Variants in PAK5 observed in about 807,000 individuals in gnomAD.
The protein encoded by PAK5 is p21 (RAC1) activated kinase 5, also known as serine/threonine-protein kinase PAK 5.
In PAK5, 16 loss-of-function variants were observed where a neutral mutation model predicts 65.9. The observed-to-expected ratio is 0.24, with a 90% CI of 0.16 to 0.37. The LOEUF is 0.37. Ranked by LOEUF, PAK5 falls within the 10% of genes least tolerant of loss-of-function variation. The probability of loss-of-function intolerance (pLI) is 1.00; values close to 1 mark genes in which losing one functional copy is unlikely to be tolerated. For missense variants in PAK5, 785 were observed against 903.9 expected (o/e 0.87, Z 1.69); for synonymous variants, 371 against 354.9 (o/e 1.05, Z -0.51).
chr20:9,642,063 T>C (rs1406919204), intron 3 of PAK5, among the ~76,000 whole-genome samples: 1 of 152,158 alleles, frequency 6.6e-6, no homozygotes, highest in Non-Finnish European at 1.5e-5. Context: ...GCTGAAGGGC[T>C]CCTCAAATGC....
chr20:9,622,881 G>A (rs2046790741), intron 3 of PAK5, among the ~76,000 whole-genome samples: 1 of 152,194 alleles, frequency 6.6e-6, no homozygotes, highest in African/African-American at 2.4e-5. Flanking sequence ...CACACCTGGT[G>A]TGTGCTCAGT....
intron 2 of PAK5, among the ~76,000 whole-genome samples, chr20:9,676,772 A>G (rs2123388476): frequency 6.6e-6 from 1 of 152,320 alleles, no homozygotes; most frequent in South Asian, 2.1e-4. Flanking sequence ...GATTGGTGAT[A>G]ATTCAATACC....
chr20:9,826,568 A>C (rs1352321585), intron 1 of PAK5, among the ~76,000 whole-genome samples: 1 of 152,198 alleles, frequency 6.6e-6, no homozygotes, highest in Non-Finnish European at 1.5e-5. Context: ...GGCATTTATC[A>C]TCCTAGAATC....
intron 1 of PAK5, among the ~76,000 whole-genome samples, chr20:9,820,219 C>T (rs901482710): frequency 2.6e-5 from 4 of 152,162 alleles, no homozygotes; most frequent in African/African-American, 7.2e-5. Context: ...TTCATTATTT[C>T]CTCCTCATAA....
At chr20:9,639,787 T>G (rs1448287054) in intron 3 of PAK5, among the ~76,000 whole-genome samples, 2 of 152,242 alleles carry the variant, frequency 1.3e-5, no homozygotes, top group Non-Finnish European at 2.9e-5. Context: ...CAACTCTCAG[T>G]GGGACTGATT....
intron 1 of PAK5, among the ~76,000 whole-genome samples, chr20:9,794,700 G>A (rs1176967244): frequency 1.3e-5 from 2 of 152,020 alleles, no homozygotes; most frequent in East Asian, 3.9e-4. Flanking sequence ...AAAAAACATA[G>A]GCACATTGAG....
chr20:9,550,856 TAA>T (rs2045416665), intron 7 of PAK5, among the ~76,000 whole-genome samples: 1 of 151,976 alleles, frequency 6.6e-6, no homozygotes, highest in African/African-American at 2.4e-5. Flanking sequence ...CCTATAAATT[TAA>T]GAAACCTGAA....
chr20:9,827,671 A>C (rs559633774), intron 1 of PAK5, among the ~76,000 whole-genome samples: 2 of 152,140 alleles, frequency 1.3e-5, no homozygotes, highest in Non-Finnish European at 2.9e-5. Flanking sequence ...TTTTCAATGA[A>C]GGTGTGATAC....
chr20:9,562,546 G>A (rs1231249545), intron 6 of PAK5, among the ~76,000 whole-genome samples: 1 of 152,188 alleles, frequency 6.6e-6, no homozygotes, highest in Non-Finnish European at 1.5e-5. Flanking sequence ...GTCTTAGCAT[G>A]CAGCAATGGT....
At chr20:9,819,778 C>G (rs11696901) in intron 1 of PAK5, among the ~76,000 whole-genome samples, 171 of 152,192 alleles carry the variant, frequency 1.1e-3, no homozygotes, top group Non-Finnish European at 1.9e-3. Flanking sequence ...GACAAGGAAC[C>G]GGTACTGGCA....
At chr20:9,775,171 TG>T (rs1244712076) in intron 1 of PAK5, among the ~76,000 whole-genome samples, 2 of 152,166 alleles carry the variant, frequency 1.3e-5, no homozygotes, top group Non-Finnish European at 2.9e-5. Context: ...CTATCTTGGT[TG>T]GGGTGTGGGT....
chr20:9,717,309 T>A (rs983510430), intron 1 of PAK5, among the ~76,000 whole-genome samples: 2 of 152,168 alleles, frequency 1.3e-5, no homozygotes, highest in African/African-American at 4.8e-5. Context: ...GGCAATTTAT[T>A]ATTCCCTGAG....
intron 6 of PAK5, among the ~76,000 whole-genome samples, 189 bp from the exon 7 acceptor site, chr20:9,557,923 G>A (rs2045533279): frequency 6.6e-6 from 1 of 152,180 alleles, no homozygotes; most frequent in South Asian, 2.1e-4. Flanking sequence ...CACTAAGAAT[G>A]ACAGGGACCA....
intron 1 of PAK5, among the ~76,000 whole-genome samples, chr20:9,807,680 T>TG (rs747340445): frequency 2.5e-4 from 38 of 151,672 alleles, no homozygotes; most frequent in Non-Finnish European, 4.9e-4. Flanking sequence ...CAGGTTCCCT[T>TG]GCAGTTAATT....
chr20:9,602,393 C>T (rs1038715586), intron 3 of PAK5, among the ~76,000 whole-genome samples: 1 of 152,148 alleles, frequency 6.6e-6, no homozygotes, highest in African/African-American at 2.4e-5. Context: ...AATGTTGCTA[C>T]CATACAACCT....
intron 3 of PAK5, among the ~76,000 whole-genome samples, chr20:9,612,634 C>T (rs571272330): frequency 3.9e-4 from 59 of 152,028 alleles, no homozygotes; most frequent in Non-Finnish European, 6.9e-4. Context: ...GAGAACTCCA[C>T]CCCCCCGATC....
intron 3 of PAK5, among the ~76,000 whole-genome samples, chr20:9,593,619 G>A (rs117214956): frequency 0.014 from 2,145 of 152,148 alleles, 25 homozygotes; most frequent in Middle Eastern, 0.024. Context: ...TCCCCTCCCT[G>A]TCTCCATTTG....
chr20:9,778,529 C>T (rs537403374), intron 1 of PAK5, among the ~76,000 whole-genome samples: 6 of 152,270 alleles, frequency 3.9e-5, no homozygotes, highest in South Asian at 2.1e-4. Flanking sequence ...TGAGTCACCA[C>T]GACAGGCCAA....
chr20:9,667,349 T>C (rs1330301183), intron 2 of PAK5, among the ~76,000 whole-genome samples: 2 of 144,802 alleles, frequency 1.4e-5, no homozygotes, highest in Non-Finnish European at 3.0e-5. Context: ...GGCAGAGTTA[T>C]GCTTTGCCAG....
Sources: gnomAD v4.1 joint callset for allele counts (sites outside exome capture counted in the v4.1 genomes callset) on GRCh38, gnomAD v4.1.1 for gene constraint, MANE v1.5 for transcripts, NCBI Gene and HGNC (gene_info 2026-07-23, HGNC 2026-07-21) for gene names.